Variants in BAZ1B observed in about 807,000 individuals in gnomAD.
BAZ1B encodes tyrosine-protein kinase BAZ1B.
In BAZ1B, 22 loss-of-function variants were observed where a neutral mutation model predicts 153.8. That is an observed-to-expected ratio of 0.14 (90% confidence interval 0.10 to 0.20). The LOEUF (loss-of-function observed/expected upper bound fraction) is 0.20, where lower values mean the gene tolerates loss of function less well. Among genes scored for constraint, BAZ1B ranks in the 10% least tolerant of loss-of-function variants. The pLI, the probability that BAZ1B is intolerant of heterozygous loss-of-function variation, is 1.00. For synonymous variants in BAZ1B, 676 were observed against 633.4 expected (o/e 1.07, Z -1.01); for missense variants, 1,325 against 1,799.3 (o/e 0.74, Z 4.77).
At chr7:73,443,642 AG>A (rs1301730876) in intron 17 of BAZ1B, among the ~76,000 whole-genome samples, 2 of 152,196 alleles carry the variant, frequency 1.3e-5, no homozygotes, top group African/African-American at 4.8e-5. Flanking sequence ...CTCAACAGTA[AG>A]TGAGGCTCCA....
chr7:73,449,819 T>C, intron 14 of BAZ1B, 130 bp from the exon 15 acceptor site: 3 of 1,000,550 alleles, frequency 3.0e-6, no homozygotes, highest in Non-Finnish European at 2.7e-6. Context: ...TACCCAGTTG[T>C]TGCTTTGTAA....
chr7:73,514,533 C>CAAA (rs561236136), intron 1 of BAZ1B, among the ~76,000 whole-genome samples: 2 of 78,426 alleles, frequency 2.6e-5, no homozygotes, highest in Non-Finnish European at 5.2e-5. Flanking sequence ...AACTCAGTCT[C>CAAA]AAAAAAAAAA....
intron 3 of BAZ1B, 30 bp from the exon 4 acceptor site, chr7:73,498,728 G>C (rs1357876004): frequency 6.3e-7 from 1 of 1,592,914 alleles, no homozygotes; most frequent in South Asian, 1.1e-5. Context: ...GAAAATCAGA[G>C]ATAATAAACA....
chr7:73,498,936 T>C (rs1790021223), intron 3 of BAZ1B, among the ~76,000 whole-genome samples: 1 of 152,184 alleles, frequency 6.6e-6, no homozygotes, highest in Non-Finnish European at 1.5e-5. Context: ...TCATGTAAAA[T>C]GCCAATATAC....
intron 13 of BAZ1B, 136 bp downstream of exon 13, chr7:73,459,400 A>AC: frequency 1.1e-6 from 1 of 895,712 alleles, no homozygotes; most frequent in Non-Finnish European, 1.7e-6. Context: ...AAAAAAAAAA[A>AC]AAACACACAC....
chr7:73,468,916 G>A (rs917065952), intron 9 of BAZ1B, among the ~76,000 whole-genome samples: 2 of 152,136 alleles, frequency 1.3e-5, no homozygotes, highest in African/African-American at 4.8e-5. Context: ...GATCACCTGA[G>A]GTCAGGAGTT....
intron 16 of BAZ1B, among the ~76,000 whole-genome samples, chr7:73,445,907 G>A (rs1290216907): frequency 6.6e-6 from 1 of 152,186 alleles, no homozygotes; most frequent in Admixed American, 6.5e-5. Flanking sequence ...GTGTGCCCAA[G>A]TCACTGACTC....
chr7:73,487,750 C>A (rs1360127704), intron 6 of BAZ1B, among the ~76,000 whole-genome samples: 6 of 152,080 alleles, frequency 3.9e-5, no homozygotes, highest in Non-Finnish European at 8.8e-5. Flanking sequence ...TTCTCCTCAA[C>A]AAACAAAAAC....
At chr7:73,492,561 G>A (rs1332355045) in intron 5 of BAZ1B, among the ~76,000 whole-genome samples, 2 of 152,146 alleles carry the variant, frequency 1.3e-5, no homozygotes, top group African/African-American at 4.8e-5. Flanking sequence ...AAGCTCAAAT[G>A]TAAATTACTT....
At position 73,498,874 on chromosome 7, in the gene BAZ1B, AAT is replaced by A. The variant is rs1352180190; in HGVS notation, c.370-178_370-177del. Among the ~76,000 whole-genome samples, 6 of 152,250 alleles carry A rather than the reference AAT, an allele frequency of 3.9e-5. 1 individual carries two copies. The South Asian group carries it at 1.0e-3, about 26-fold the overall frequency. On this transcript the variant is annotated intron_variant, in intron 3 of 19. Transcript: ENST00000339594. The stretch of plus-strand genomic sequence containing the variant: ...TTTTTTTCTCAGACTTCTAGGTTGA[AAT>A]ATGACAGCCTAAAAAAATGAAATAA...
At chr7:73,502,389 AT>A (rs782235923) in intron 3 of BAZ1B, among the ~76,000 whole-genome samples, 32 of 151,846 alleles carry the variant, frequency 2.1e-4, no homozygotes, top group Non-Finnish European at 3.8e-4. Context: ...AGTGCAAAAC[AT>A]TTTTATAAAT....
chr7:73,442,900 G>A (rs1563360026), intron 17 of BAZ1B, 72 bp from the exon 18 acceptor site: 1 of 1,124,494 alleles, frequency 8.9e-7, no homozygotes, highest in Non-Finnish European at 1.3e-6. Context: ...CAGAAAATAA[G>A]TGTATCTGCT....
chr7:73,484,470 C>A (rs959073323), intron 6 of BAZ1B, among the ~76,000 whole-genome samples: 1 of 152,014 alleles, frequency 6.6e-6, no homozygotes, highest in Non-Finnish European at 1.5e-5. Flanking sequence ...GAGACCCTGT[C>A]TCTTCAACAA....
At position 73,510,780 on chromosome 7, in the gene BAZ1B, T is replaced by C. The variant is rs151333094; in HGVS notation, c.180A>G (p.Leu60=). The C allele has an allele frequency of 3.1e-6, 5 of 1,614,176 alleles. No homozygotes were observed. The African/African-American group carries it at 6.7e-5, about 22-fold the overall frequency. Residue 60 remains leucine (L), a synonymous_variant, in exon 2 of 20, where the codon CTA becomes CTG. Coordinates refer to ENST00000339594, the MANE Select transcript of BAZ1B (RefSeq NM_032408.4). ...CTTCCTCCCAGGCTTCCTTGTGTGT[T>C]AGCTGACTGCTTCCAGTACTCTTGC... The part of the protein sequence containing the change: ...WTCKSTGSSQ[L]THKEAWEEEQ...
At chr7:73,521,745 C>G (rs1554580248) in intron 1 of BAZ1B, 82 bp downstream of exon 1, 3 of 1,239,814 alleles carry the variant, frequency 2.4e-6, no homozygotes, top group Non-Finnish European at 3.2e-6. Context: ...CGGGGATGCG[C>G]GGCTGACCTG....
rs782671004 is a variant in BAZ1B at position 73,492,779 on chromosome 7, A to G, written c.693+21T>C. 24 of 1,577,734 alleles carry G rather than the reference A, an allele frequency of 1.5e-5. No homozygotes were observed. In the South Asian group the frequency reaches 2.8e-4, roughly 18 times the overall value. ...TCTTAAAGAACATCTATCACATGTA[A>G]AAAGTAAAGTGTCAACTAACCTTAT... On this transcript the variant is annotated intron_variant, in intron 5 of 19. Coordinates refer to ENST00000339594, the MANE Select transcript of BAZ1B (RefSeq NM_032408.4).
Position 73,477,727 on chromosome 7 carries a change from C to A in BAZ1B, c.1734G>T (p.Lys578Asn). The change falls in exon 7 of 20, where the codon AAG (lysine) becomes AAT (asparagine). Residue 578 changes from lysine (K) to asparagine (N), a missense_variant. Physicochemically the swap from Lys to Asn is moderately conservative, Grantham distance 94 (BLOSUM62 0). This residue lies in a region of BAZ1B where 154 missense variants were observed against 266.3 expected (regional missense o/e 0.58). Coordinates refer to ENST00000339594, the MANE Select transcript of BAZ1B (RefSeq NM_032408.4). This position sits in a 1 kb window ranked among gnomAD's most constrained non-coding sequence, Gnocchi z 5.6. Reference protein sequence around the residue: ...KEMLERLEKQKRYEDQELTGK... With the variant: ...KEMLERLEKQNRYEDQELTGK... ...CAGTTAACTCTTGGTCCTCATACCG[C>A]TTCTGTTTTTCTAATCTCTCAAGCA... The A allele has an allele frequency of 1.9e-6, 3 of 1,614,168 alleles. No individual in the cohort carries two copies. The highest frequency in any genetic ancestry group is 8.5e-7 in the Non-Finnish European group (1 of 1,180,044).
At chr7:73,442,099 G>T in intron 19 of BAZ1B, 82 bp downstream of exon 19, 1 of 1,028,536 alleles carries the variant, frequency 9.7e-7, no homozygotes. Context: ...TGGACTCCCT[G>T]TGATCTCTTC....
intron 4 of BAZ1B, 96 bp downstream of exon 4, chr7:73,498,401 T>TCA: frequency 3.4e-6 from 4 of 1,169,406 alleles, no homozygotes; most frequent in Middle Eastern, 2.8e-4. Context: ...ACATAAAAAA[T>TCA]CACACATTTA....
Sources: gnomAD v4.1 joint callset for allele counts (sites outside exome capture counted in the v4.1 genomes callset) on GRCh38, gnomAD v4.1.1 for gene constraint, gnomAD v4.1.1 regional missense constraint, Gnocchi (gnomAD v3.1) non-coding constraint, MANE v1.5 for transcripts, NCBI Gene and HGNC (gene_info 2026-07-23, HGNC 2026-07-21) for gene names.